The following KLK8 variants were observed in gnomAD, a reference collection of about 807,000 sequenced individuals.
KLK8 encodes kallikrein-8.
A neutral mutation model predicts 26.7 loss-of-function variants in KLK8; 18 were observed. The observed-to-expected ratio is 0.67, with a 90% confidence interval of 0.47 to 1.00. The LOEUF (loss-of-function observed/expected upper bound fraction) is 1.00, where lower values mean the gene tolerates loss of function less well. Ranked by LOEUF, KLK8 falls within the 50% of genes least tolerant of loss-of-function variation. The probability of loss-of-function intolerance (pLI) is 0.00; values close to 1 mark genes in which losing one functional copy is unlikely to be tolerated. For missense variants in KLK8, 301 were observed against 331.7 expected (o/e 0.91, Z 0.72); for synonymous variants, 137 against 127.1 (o/e 1.08, Z -0.52).
exon 3 of KLK8, chr19:51,001,132 C>G (rs1181209071): frequency 6.2e-7 from 1 of 1,613,614 alleles, no homozygotes; most frequent in East Asian, 2.2e-5. Context: ...GCAGGAACAT[C>G]CACGTCTTGG....
rs1384515285 is a variant in KLK8, at chr19:50,996,230, G to A, written c.628-16C>T. Reference sequence around the variant, plus strand: ...CAGAATCGCCCTAGACAGGGAGAATGAGAACAGCCTTGCATCTGAGATGTC... The same window carrying A: ...CAGAATCGCCCTAGACAGGGAGAATAAGAACAGCCTTGCATCTGAGATGTC... On this transcript the variant is annotated splice_polypyrimidine_tract_variant and intron_variant, in intron 6 of 6. Coordinates refer to ENST00000600767, the Ensembl canonical transcript of KLK8. The A allele has an allele frequency of 2.5e-6, 4 of 1,612,744 alleles. No individual in the cohort carries two copies. The highest frequency in any genetic ancestry group is 1.7e-5 in the Admixed American group (1 of 59,920).
intron 6 of KLK8, 117 bp from the exon 6 acceptor site, chr19:50,996,331 G>A: frequency 9.2e-7 from 1 of 1,084,932 alleles, no homozygotes; most frequent in South Asian, 1.5e-5. Flanking sequence ...GCCAATGGGG[G>A]TAAAAGCATT....
intron 3 of KLK8, chr19:51,000,823 C>T (rs760977532): frequency 1.5e-4 from 168 of 1,149,582 alleles, no homozygotes; most frequent in Non-Finnish European, 1.9e-4. Context: ...GCCCCGAGTA[C>T]TCCCAGGTGA....
chr19:50,999,634 TGG>T (rs2091202292), intron 5 of KLK8, among the ~76,000 whole-genome samples: 1 of 73,392 alleles, frequency 1.4e-5, no homozygotes, highest in East Asian at 4.2e-4. Context: ...AGGAGGGAGG[TGG>T]GGGAGAAGGT....
chr19:50,996,337 G>T lies in KLK8; in HGVS notation c.628-123C>A, dbSNP rs558052246. ...TCCCCTGTAGCCAATGGGGGTAAAA[G>T]CATTGTCCCCTGAGACCAGTCAGGA... On this transcript the variant is annotated intron_variant, in intron 6 of 6. Transcript: ENST00000600767. 102 of 1,014,630 alleles carry T rather than the reference G, an allele frequency of 1.0e-4. 3 individuals are homozygous for T. The Admixed American group carries it at 1.7e-3, about 17-fold the overall frequency. The allele number at this position is 1,014,630 out of a possible 1,614,324, so 62.9% of individuals were successfully genotyped here. A position where few individuals can be genotyped will look rare whatever the true frequency, so the allele number is the denominator to read the frequency against.
At chr19:50,996,655 C>T (rs2091170729) in intron 6 of KLK8, among the ~76,000 whole-genome samples, 2 of 148,744 alleles carry the variant, frequency 1.3e-5, no homozygotes, top group Non-Finnish European at 3.0e-5. Context: ...ATTGCTTGAA[C>T]TGGGAGGCAG....
intron 6 of KLK8, among the ~76,000 whole-genome samples, chr19:50,996,590 G>C (rs1033222957): frequency 6.6e-6 from 1 of 151,970 alleles, no homozygotes; most frequent in Non-Finnish European, 1.5e-5. Context: ...AAAACTAGCT[G>C]GGTGTGGTGG....
Position 51,000,511 on chromosome 19 carries a change from G to A in KLK8, c.143C>T (p.Ala48Val), listed in dbSNP as rs367553676. 1.7e-5 allele frequency: 27 copies of A among 1,614,006 alleles called. No individual in the cohort carries two copies. Among genetic ancestry groups the A allele is most frequent in the African/African-American group, 1.1e-4 (8 of 74,992 alleles). The change falls in exon 4 of 7, where the codon GCG becomes GTG. Residue 48 changes from alanine to valine, a missense_variant. Coordinates refer to ENST00000600767, the Ensembl canonical transcript of KLK8. Reference sequence around the variant, plus strand: ...TAGTTGCTGGCCCTGGAACAAGGCCGCCTGCCAAGGCTGCGAATGGGGTTG... The same window carrying A: ...TAGTTGCTGGCCCTGGAACAAGGCCACCTGCCAAGGCTGCGAATGGGGTTG...
rs2091196720 is a variant in KLK8 at position 50,999,193 on chromosome 19, G to T, written c.493+803C>A. On this transcript the variant is annotated intron_variant, in intron 5 of 6. Coordinates refer to ENST00000600767, the Ensembl canonical transcript of KLK8. The stretch of plus-strand genomic sequence containing the variant: ...CAGATTTTGGGGTCCAGAGTCAAGA[G>T]GGAGCTAGGACTGCTGGGTCCTGGG... The T allele has an allele frequency of 2.0e-5, 3 of 152,298 alleles. 1 individual carries two copies. Among genetic ancestry groups the T allele is most frequent in the African/African-American group, 7.2e-5 (3 of 41,540 alleles). 9.4% of individuals were successfully genotyped at this position (152,298 alleles called of 1,614,324 possible).
At chr19:51,001,290 C>G (rs2091223295) in intron 2 of KLK8, 115 bp from the exon 2 acceptor site, 2 of 833,656 alleles carry the variant, frequency 2.4e-6, no homozygotes, top group Non-Finnish European at 3.9e-6. Context: ...CTGGGCTTCT[C>G]TGGAGGAAGG....
At chr19:51,000,242 G>C (rs1357523322) in exon 5 of KLK8, 1 of 1,590,508 alleles carries the variant, frequency 6.3e-7, no homozygotes, top group East Asian at 2.3e-5. Context: ...TGGTCTCCCA[G>C]GCGTACTGTG....
In KLK8 at chr19:50,998,097, G is replaced by A. The variant is rs554621208; in HGVS notation, c.494-213C>T. On this transcript the variant is annotated intron_variant, in intron 5 of 6. Transcript: ENST00000600767. ...TTGGGCTTTCTCCATCTAGAGAGGGGCCCTTGGATCTCACGTGTTTTTTCT... is the reference window on the plus strand; with the variant it reads ...TTGGGCTTTCTCCATCTAGAGAGGGACCCTTGGATCTCACGTGTTTTTTCT... 1.1e-5 allele frequency: 6 copies of A among 554,812 alleles called. No homozygotes were observed. In the South Asian group the frequency reaches 1.1e-4, roughly 11 times the overall value. The allele number at this position is 554,812 out of a possible 1,614,324, so 34.4% of individuals were successfully genotyped here.
At chr19:51,000,505 A>G (rs1336898990) in exon 4 of KLK8, 1 of 1,614,016 alleles carries the variant, frequency 6.2e-7, no homozygotes, top group Admixed American at 1.7e-5. Flanking sequence ...GCCCTGGAAC[A>G]AGGCCGCCTG....
exon 3 of KLK8, chr19:51,001,100 G>T: frequency 6.2e-7 from 1 of 1,611,528 alleles, no homozygotes; most frequent in Non-Finnish European, 8.5e-7. Flanking sequence ...CTCCTCACCT[G>T]CCCAGGCTCC....
exon 3 of KLK8, chr19:51,001,107 C>A: frequency 6.2e-7 from 1 of 1,612,382 alleles, no homozygotes; most frequent in East Asian, 2.2e-5. Context: ...CCTGCCCAGG[C>A]TCCCCCCAGC....
At chr19:50,997,639 G>T in intron 6 of KLK8, 112 bp downstream of exon 5, 1 of 1,298,462 alleles carries the variant, frequency 7.7e-7, no homozygotes, top group South Asian at 1.4e-5. Context: ...TGAACACTCC[G>T]GGTGCCAAGT....
chr19:50,996,566 C>T (rs1217604428), intron 6 of KLK8, among the ~76,000 whole-genome samples: 1 of 151,916 alleles, frequency 6.6e-6, no homozygotes, highest in Non-Finnish European at 1.5e-5. Flanking sequence ...ATCCCTGTCT[C>T]TACTAAAAAT....
At chr19:50,997,713 A>G (rs1568554680) in intron 6 of KLK8, 38 bp downstream of exon 5, 1 of 1,610,720 alleles carries the variant, frequency 6.2e-7, no homozygotes, top group Non-Finnish European at 8.5e-7. Flanking sequence ...GAGGGCAATG[A>G]GGGATGTGTG....
chr19:50,999,119 G>C (rs542394596), intron 5 of KLK8: 12 of 152,330 alleles, frequency 7.9e-5, no homozygotes, highest in Admixed American at 6.5e-4. Flanking sequence ...AGGAAGGCGA[G>C]GGGCTCTCTG....
Sources: gnomAD v4.1 joint callset for allele counts (sites outside exome capture counted in the v4.1 genomes callset) on GRCh38, gnomAD v4.1.1 for gene constraint, MANE v1.5 for transcripts, NCBI Gene and HGNC (gene_info 2026-07-23, HGNC 2026-07-21) for gene names.